The following TGFBRAP1 variants were observed in gnomAD, a reference collection of about 807,000 sequenced individuals.
The protein encoded by TGFBRAP1 is transforming growth factor-beta receptor-associated protein 1.
A neutral mutation model predicts 83.2 loss-of-function variants in TGFBRAP1; 20 were observed. That is an observed-to-expected ratio of 0.24 (90% confidence interval 0.17 to 0.35). The LOEUF is 0.35. Among genes scored for constraint, TGFBRAP1 ranks in the 10% least tolerant of loss-of-function variants. The probability of loss-of-function intolerance (pLI) is 1.00; values close to 1 mark genes in which losing one functional copy is unlikely to be tolerated. For synonymous variants in TGFBRAP1, 415 were observed against 459.8 expected, an observed-to-expected ratio of 0.90 and a Z score of 1.25; for missense variants, 950 against 1,099.4, an observed-to-expected ratio of 0.86 and a Z score of 1.92.
At chr2:105,259,747 TG>T (rs1676746486), downstream of TGFBRAP1, among the ~76,000 whole-genome samples, 1 of 152,220 alleles carries the variant, frequency 6.6e-6, no homozygotes, top group African/African-American at 2.4e-5. Flanking sequence ...TAAGTTAGTC[TG>T]GATCTCGTTC....
At position 105,277,421 on chromosome 2, in the gene TGFBRAP1, A is replaced by T. The variant is rs114168740; in HGVS notation, c.1521+193T>A. Among the ~76,000 whole-genome samples, 1,506 of 152,366 alleles carry T rather than the reference A, an allele frequency of 9.9e-3. 34 individuals are homozygous for T. Among genetic ancestry groups the T allele is most frequent in the African/African-American group, 0.035 (1,454 of 41,594 alleles). ...TGTTCTTTAAGGAGATGGAAAGACA[A>T]TGAGAAGAAAACTCTTGGCCAACAT... On this transcript the variant is annotated intron_variant, in intron 7 of 11. Transcript: ENST00000393359.
intron 1 of TGFBRAP1, among the ~76,000 whole-genome samples, chr2:105,316,137 A>G (rs929578760): frequency 5.3e-5 from 8 of 152,236 alleles, no homozygotes; most frequent in African/African-American, 1.9e-4. Flanking sequence ...ACGCTAATCT[A>G]TAGCGACAGA....
chr2:105,256,988 C>T, the TGFBRAP1 span, among the ~76,000 whole-genome samples: 1 of 152,192 alleles, frequency 6.6e-6, no homozygotes, highest in Non-Finnish European at 1.5e-5. Flanking sequence ...AGGAAGTTAC[C>T]CTATATGGTC....
At chr2:105,250,247 G>A in the TGFBRAP1 span, among the ~76,000 whole-genome samples, 1 of 152,074 alleles carries the variant, frequency 6.6e-6, no homozygotes, top group African/African-American at 2.4e-5. Flanking sequence ...CCAATCCGAG[G>A]GCACTGATAT....
chr2:105,316,080 A>C (rs764535489), intron 1 of TGFBRAP1, among the ~76,000 whole-genome samples: 1 of 152,212 alleles, frequency 6.6e-6, no homozygotes, highest in Non-Finnish European at 1.5e-5. Context: ...GGAAGAAATC[A>C]TGCCTATATT....
chr2:105,293,333 A>G (rs906909326), intron 4 of TGFBRAP1, among the ~76,000 whole-genome samples: 8 of 152,222 alleles, frequency 5.3e-5, no homozygotes, highest in African/African-American at 1.9e-4. Flanking sequence ...ACAGCATTCT[A>G]AACTGTAATA....
At chr2:105,291,835 T>G (rs1018026170) in intron 4 of TGFBRAP1, among the ~76,000 whole-genome samples, 3 of 152,166 alleles carry the variant, frequency 2.0e-5, no homozygotes, top group African/African-American at 7.2e-5. Context: ...TTGCCATGTG[T>G]GCCAACATGG....
intron 2 of TGFBRAP1, among the ~76,000 whole-genome samples, chr2:105,304,626 C>A (rs1573202919): frequency 6.6e-6 from 1 of 152,120 alleles, no homozygotes; most frequent in Non-Finnish European, 1.5e-5. Context: ...CTACTAAGAA[C>A]ACAAAAATTA....
chr2:105,257,161 C>T, the TGFBRAP1 span, among the ~76,000 whole-genome samples: 5 of 152,272 alleles, frequency 3.3e-5, no homozygotes, highest in South Asian at 4.1e-4. Flanking sequence ...TCTATGGACT[C>T]GCCCTGAATT....
intron 1 of TGFBRAP1, among the ~76,000 whole-genome samples, chr2:105,308,854 T>C (rs893249): frequency 0.14 from 21,057 of 152,156 alleles, 1,813 homozygotes; most frequent in South Asian, 0.25. Flanking sequence ...ATATGCACTT[T>C]AGTCAATGAA....
intron 6 of TGFBRAP1, among the ~76,000 whole-genome samples, chr2:105,278,315 G>A (rs888398432): frequency 1.3e-5 from 2 of 152,168 alleles, no homozygotes; most frequent in African/African-American, 4.8e-5. Flanking sequence ...ATATGTCTTT[G>A]GTCTACTACT....
intron 11 of TGFBRAP1, among the ~76,000 whole-genome samples, chr2:105,268,043 G>A (rs35046128): frequency 0.17 from 25,989 of 152,216 alleles, 2,558 homozygotes; most frequent in Middle Eastern, 0.27. Flanking sequence ...ACACCCTTCC[G>A]TTTCCTTAGA....
rs149794731 is a variant in TGFBRAP1, at chr2:105,265,548, C to T, written c.*1835G>A. 1 of 152,736 alleles carries T rather than the reference C, an allele frequency of 6.5e-6. No individual in the cohort carries two copies. The highest frequency in any genetic ancestry group is 1.5e-5 in the Non-Finnish European group (1 of 68,038). The allele number at this position is 152,736 out of a possible 1,614,324, so 9.5% of individuals were successfully genotyped here. ...ACAGAGAAATAAGCTTTTAATGGCG[C>T]AATGTTGCATATACGGGTAACTTGT... On this transcript the variant is annotated 3_prime_UTR_variant, in exon 12 of 12. Transcript: ENST00000393359.
intron 1 of TGFBRAP1, among the ~76,000 whole-genome samples, chr2:105,313,788 T>C (rs912931527): frequency 6.6e-6 from 1 of 151,944 alleles, no homozygotes; most frequent in Admixed American, 6.6e-5. Flanking sequence ...ACCACATTTA[T>C]AAATTAAAAG....
At chr2:105,285,413 A>C in intron 4 of TGFBRAP1, among the ~76,000 whole-genome samples, 1 of 152,226 alleles carries the variant, frequency 6.6e-6, no homozygotes, top group South Asian at 2.1e-4. Flanking sequence ...CCCATCTTAC[A>C]GGTACAAAAA....
chr2:105,284,236 G>A lies in TGFBRAP1; in HGVS notation c.1121+80C>T, dbSNP rs960507077. 62 of 1,354,110 alleles carry A rather than the reference G, an allele frequency of 4.6e-5. No homozygotes were observed. The African/African-American group carries it at 6.0e-4, about 13-fold the overall frequency. 83.9% of individuals were successfully genotyped at this position (1,354,110 alleles called of 1,614,324 possible). On this transcript the variant is annotated intron_variant, in intron 5 of 11. Coordinates refer to ENST00000393359, the MANE Select transcript of TGFBRAP1 (RefSeq NM_004257.6). The stretch of plus-strand genomic sequence containing the variant: ...ATCTAACCATGCAACACATCCCACC[G>A]CGACGTCACACCAGAAACGCAGGTT...
intron 2 of TGFBRAP1, among the ~76,000 whole-genome samples, chr2:105,301,223 AAAAT>A (rs927170525): frequency 6.6e-6 from 1 of 152,052 alleles, no homozygotes; most frequent in African/African-American, 2.4e-5. Context: ...CCCTGTCTCA[AAAAT>A]AAATAAATAA....
intron 7 of TGFBRAP1, 96 bp downstream of exon 7, chr2:105,277,518 T>C (rs2104328186): frequency 1.0e-6 from 1 of 968,386 alleles, no homozygotes; most frequent in Non-Finnish European, 1.5e-6. Context: ...CAGGCAAAAG[T>C]GGTCTCTATC....
intron 2 of TGFBRAP1, among the ~76,000 whole-genome samples, chr2:105,299,719 A>AC (rs1428512015): frequency 1.3e-5 from 2 of 152,102 alleles, no homozygotes; most frequent in African/African-American, 2.4e-5. Context: ...ACATAGTGAG[A>AC]CCCCACCTCA....
Sources: gnomAD v4.1 joint callset for allele counts (sites outside exome capture counted in the v4.1 genomes callset) on GRCh38, gnomAD v4.1.1 for gene constraint, MANE v1.5 for transcripts, NCBI Gene and HGNC (gene_info 2026-07-23, HGNC 2026-07-21) for gene names.